The following SCNN1A variants were observed in gnomAD, a reference collection of about 807,000 sequenced individuals.
SCNN1A encodes sodium channel epithelial 1 subunit alpha.
In SCNN1A, 65 loss-of-function variants were observed where a neutral mutation model predicts 68.6. The ratio of observed to expected loss-of-function variants is 0.95; its 90% confidence interval spans 0.78 to 1.16. The LOEUF (loss-of-function observed/expected upper bound fraction) is 1.16. SCNN1A is among the 50% of genes most tolerant of loss of function. The probability of loss-of-function intolerance (pLI) is 0.00; values close to 1 mark genes in which losing one functional copy is unlikely to be tolerated. For missense variants in SCNN1A, 880 were observed against 865.9 expected, an observed-to-expected ratio of 1.02 and a Z score of -0.20; for synonymous variants, 357 against 353.3, an observed-to-expected ratio of 1.01 and a Z score of -0.12.
At chr12:6,362,369 G>A in intron 3 of SCNN1A, 128 bp from the exon 4 acceptor site, 1 of 821,882 alleles carries the variant, frequency 1.2e-6, no homozygotes, top group Non-Finnish European at 2.1e-6. Flanking sequence ...GCCAGGAGTG[G>A]GGAAAGACAG....
At chr12:6,363,384 T>C (rs1948614429) in intron 3 of SCNN1A, 59 bp downstream of exon 3, 2 of 1,410,028 alleles carry the variant, frequency 1.4e-6, no homozygotes, top group Non-Finnish European at 1.9e-6. Context: ...AGCCCATGGG[T>C]GGGCGGGGCC....
upstream of SCNN1A, chr12:6,375,988 A>C (rs1199326174): frequency 3.0e-6 from 3 of 1,010,240 alleles, no homozygotes; most frequent in Admixed American, 5.8e-5. Flanking sequence ...GGTGGGGGCA[A>C]ATAGAAGGAG....
chr12:6,349,046 G>A (rs1372031373), intron 10 of SCNN1A, 41 bp from the exon 11 acceptor site: 2 of 1,608,566 alleles, frequency 1.2e-6, no homozygotes, highest in Non-Finnish European at 1.7e-6. Context: ...ACTCCCATAT[G>A]CTTCAGGCTT....
chr12:6,349,458 C>T (rs1948333346), intron 8 of SCNN1A, 53 bp from the exon 9 acceptor site: 2 of 1,338,480 alleles, frequency 1.5e-6, no homozygotes, highest in Middle Eastern at 1.8e-4. Context: ...CTTTCTCTAC[C>T]CCACACCCAA....
intron 2 of SCNN1A, among the ~76,000 whole-genome samples, chr12:6,367,212 T>C (rs765035833): frequency 6.6e-6 from 1 of 152,150 alleles, no homozygotes; most frequent in Non-Finnish European, 1.5e-5. Context: ...CACTCCAGCC[T>C]GGGCAACAGA....
intron 2 of SCNN1A, among the ~76,000 whole-genome samples, chr12:6,366,100 C>T (rs772214705): frequency 1.3e-5 from 2 of 152,104 alleles, no homozygotes; most frequent in Non-Finnish European, 2.9e-5. Context: ...GTGATCCGCC[C>T]GTCTCGGCCT....
In SCNN1A at chr12:6,347,960, G is replaced by T; in HGVS notation, c.1923C>A (p.Pro641=). Residue 641 remains proline (P), a synonymous_variant, in exon 13 of 13, where the codon CCC becomes CCA. Transcript: ENST00000228916. ...PAPSPALTAP[P]PAYATLGPRP... The stretch of plus-strand genomic sequence containing the variant: ...GGGGGCCCAGGGTGGCATAGGCAGG[G>T]GGAGGGGCTGTCAAGGCTGGAGAGG... 1 of 1,566,300 alleles carries T rather than the reference G, an allele frequency of 6.4e-7. No homozygotes were observed. The highest frequency in any genetic ancestry group is 8.7e-7 in the Non-Finnish European group (1 of 1,151,212).
In SCNN1A at chr12:6,374,653, T is replaced by G. The variant is rs771345288; in HGVS notation, c.131A>C (p.Glu44Ala). Residue 44 changes from glutamate (E) to alanine (A), a missense_variant, in exon 2 of 13, where the codon GAG becomes GCG. By Grantham distance (107) the Glu-to-Ala change is moderately radical. Around this residue, in one of 3 missense-constraint regions of SCNN1A, gnomAD observed 77 missense variants for 67.4 expected, o/e 1.14. Transcript: ENST00000228916. This position sits in a 1 kb window ranked among gnomAD's most constrained non-coding sequence, Gnocchi z 6.2. ...GTGGAACTCGATCAGGGCCTCCTCC[T>G]CCGCCGTGGGCTGCTGGGGCGCCGC... ...EPAAPQQPTA[E>A]EEALIEFHRS... 3 of 1,613,494 alleles carry G rather than the reference T, an allele frequency of 1.9e-6. No homozygotes were observed. Among genetic ancestry groups the G allele is most frequent in the Non-Finnish European group, 2.5e-6 (3 of 1,179,706 alleles).
chr12:6,354,655 C>T, intron 7 of SCNN1A, 95 bp downstream of exon 7: 1 of 1,145,114 alleles, frequency 8.7e-7, no homozygotes, highest in Middle Eastern at 2.3e-4. Flanking sequence ...CCCAGTTTCC[C>T]TCTCTCTCTC....
chr12:6,366,520 G>T (rs1948682086), intron 2 of SCNN1A, among the ~76,000 whole-genome samples: 1 of 152,184 alleles, frequency 6.6e-6, no homozygotes, highest in Admixed American at 6.5e-5. Flanking sequence ...TGTACATGAG[G>T]CTGGGTGCAG....
At position 6,374,876 on chromosome 12, in the gene SCNN1A, C is replaced by T. The variant is rs768661347; in HGVS notation, c.-54-39G>A. On this transcript the variant is annotated intron_variant, in intron 1 of 12. Transcript: ENST00000228916. The surrounding 1 kb of genome is among the most constrained non-coding windows in gnomAD (Gnocchi z 6.2). ...GGAGTGGATTGGGGAGAGCAAGGGT[C>T]AGGGTCAAGGCTGAGCTCTGGGCCC... 17 of 1,613,862 alleles carry T rather than the reference C, an allele frequency of 1.1e-5. No homozygotes were observed. In the Admixed American group the frequency reaches 2.5e-4, roughly 24 times the overall value.
At chr12:6,352,041 G>C (rs1413903144) in intron 8 of SCNN1A, among the ~76,000 whole-genome samples, 1 of 152,148 alleles carries the variant, frequency 6.6e-6, no homozygotes, top group African/African-American at 2.4e-5. Context: ...ATGAACCACT[G>C]TGCCTGGCTT....
chr12:6,375,892 G>T, upstream of SCNN1A: 1 of 1,263,488 alleles, frequency 7.9e-7, no homozygotes, highest in African/African-American at 1.6e-5. Flanking sequence ...GGCAGAAAGA[G>T]GGAGACAATA....
At chr12:6,373,586 CCCT>C (rs1948834007) in intron 2 of SCNN1A, among the ~76,000 whole-genome samples, 1 of 152,132 alleles carries the variant, frequency 6.6e-6, no homozygotes, top group South Asian at 2.1e-4. Context: ...CTCAGCCCTG[CCCT>C]CCTCTCTTCT....
At chr12:6,348,690 C>G (rs72657547) in intron 12 of SCNN1A, 37 bp downstream of exon 12, 7 of 1,563,414 alleles carry the variant, frequency 4.5e-6, no homozygotes, top group Admixed American at 1.7e-5. Context: ...AAGTAAGACC[C>G]CCAGAGCATC....
In SCNN1A at chr12:6,374,474, G is replaced by A; in HGVS notation, c.310C>T (p.Leu104=). 12 of 1,614,244 alleles carry A rather than the reference G, an allele frequency of 7.4e-6. No individual in the cohort carries two copies. Among genetic ancestry groups the A allele is most frequent in the Non-Finnish European group, 1.0e-5 (12 of 1,180,034 alleles). ...TFGMMYWQFG[L]LFGEYFSYPV... is the part of the protein sequence containing the mutation. ...TAGCTGAAGTACTCTCCGAAAAGCAGGCCGAATTGCCAGTACATCATGCCA... is the reference window on the plus strand; with the variant it reads ...TAGCTGAAGTACTCTCCGAAAAGCAAGCCGAATTGCCAGTACATCATGCCA... The change falls in exon 2 of 13, where the codon CTG becomes TTG. Residue 104 remains leucine, a synonymous_variant. Transcript: ENST00000228916. This position sits in a 1 kb window ranked among gnomAD's most constrained non-coding sequence, Gnocchi z 6.2.
chr12:6,361,050 T>G (rs374614794), intron 4 of SCNN1A, among the ~76,000 whole-genome samples: 14 of 152,214 alleles, frequency 9.2e-5, no homozygotes, highest in African/African-American at 3.4e-4. Flanking sequence ...TTGAGATGAG[T>G]GTTATCGTCA....
rs535481514 is a variant in SCNN1A, at chr12:6,363,313, C to A, written c.684+130G>T. Reference sequence around the variant, plus strand: ...ATTTATTTACTTTTTTTTTTGCCCGCGAGCCCACGAGGCCCCGCGTGGTGT... The same window carrying A: ...ATTTATTTACTTTTTTTTTTGCCCGAGAGCCCACGAGGCCCCGCGTGGTGT... On this transcript the variant is annotated intron_variant, in intron 3 of 12. Transcript: ENST00000228916. 2.0e-4 allele frequency: 124 copies of A among 632,714 alleles called. 1 individual carries two copies. In the South Asian group the frequency reaches 3.8e-3, roughly 19 times the overall value. The allele number at this position is 632,714 out of a possible 1,614,324, so 39.2% of individuals were successfully genotyped here.
chr12:6,363,388 C>CGGGGCCA (rs1948614604), intron 3 of SCNN1A, 55 bp downstream of exon 3: 6 of 1,424,128 alleles, frequency 4.2e-6, no homozygotes, highest in Non-Finnish European at 5.6e-6. Context: ...CATGGGTGGG[C>CGGGGCCA]GGGGCCAGGG....
Sources: allele counts gnomAD v4.1 joint callset (sites outside exome capture counted in the v4.1 genomes callset), GRCh38; gene constraint gnomAD v4.1.1; regional missense constraint gnomAD v4.1.1; non-coding constraint Gnocchi (gnomAD v3.1); transcripts MANE v1.5; gene names NCBI Gene and HGNC (gene_info 2026-07-23, HGNC 2026-07-21).